The following COL4A2 variants were observed in gnomAD, a reference collection of about 807,000 sequenced individuals.
The protein encoded by COL4A2 is collagen alpha-2(IV) chain.
A neutral mutation model predicts 200.2 loss-of-function variants in COL4A2; 99 were observed. The ratio of observed to expected loss-of-function variants is 0.49; its 90% CI spans 0.42 to 0.58. The LOEUF (loss-of-function observed/expected upper bound fraction) is 0.58. Among genes scored for constraint, COL4A2 ranks in the 20% least tolerant of loss-of-function variants. The pLI is 0.00. For synonymous variants in COL4A2, 897 were observed against 900.6 expected (o/e 1.00, Z 0.07); for missense variants, 1,950 against 2,314.1 (o/e 0.84, Z 3.23).
chr13:110,335,459 C>T (rs1212817101), intron 3 of COL4A2, among the ~76,000 whole-genome samples: 1 of 152,190 alleles, frequency 6.6e-6, no homozygotes, highest in Non-Finnish European at 1.5e-5. Context: ...TTATCACTCT[C>T]TCTTGTCTGC....
intron 4 of COL4A2, among the ~76,000 whole-genome samples, chr13:110,406,737 T>A (rs753378762): frequency 1.3e-5 from 2 of 152,188 alleles, no homozygotes; most frequent in African/African-American, 2.4e-5. Context: ...CTCTCTCATG[T>A]TTTTTCTCCG....
intron 39 of COL4A2, among the ~76,000 whole-genome samples, chr13:110,494,916 C>T (rs1247951578): frequency 1.3e-5 from 2 of 152,246 alleles, no homozygotes; most frequent in African/African-American, 2.4e-5. Context: ...GGGAAATCCT[C>T]GTCAAGTTGT....
intron 33 of COL4A2, 21 bp downstream of exon 33, chr13:110,485,048 C>A: frequency 6.4e-7 from 1 of 1,561,334 alleles, no homozygotes; most frequent in Non-Finnish European, 8.7e-7. Flanking sequence ...TGACCTGCAG[C>A]CAGGGGCCCC....
chr13:110,507,701 A>G (rs564671072), intron 46 of COL4A2: 1 of 586,622 alleles, frequency 1.7e-6, no homozygotes, highest in African/African-American at 1.9e-5. Context: ...TTGGCCCAGT[A>G]TGTGTGAGAA....
chr13:110,356,385 C>T (rs551570756), intron 3 of COL4A2, among the ~76,000 whole-genome samples: 124 of 152,314 alleles, frequency 8.1e-4, no homozygotes, highest in African/African-American at 2.8e-3. Context: ...CAAATGAAGT[C>T]GCAAGTGATA....
intron 20 of COL4A2, among the ~76,000 whole-genome samples, chr13:110,451,465 T>C (rs1171977475): frequency 6.6e-6 from 1 of 152,214 alleles, no homozygotes; most frequent in Non-Finnish European, 1.5e-5. Context: ...GACTCACAGT[T>C]CTGCAGGGCT....
At chr13:110,308,837 G>T (rs6492259) in intron 3 of COL4A2, among the ~76,000 whole-genome samples, 12,977 of 152,228 alleles carry the variant, frequency 0.085, 715 homozygotes, top group African/African-American at 0.15. Context: ...AAGAGTAGGA[G>T]CCACTTTTAC....
At chr13:110,445,987 A>C (rs1285139070) in intron 17 of COL4A2, 105 bp downstream of exon 17, 23 of 1,281,600 alleles carry the variant, frequency 1.8e-5, no homozygotes, top group Non-Finnish European at 2.3e-5. Context: ...CTGCCCTAAA[A>C]AGTACAAGAT....
intron 4 of COL4A2, among the ~76,000 whole-genome samples, chr13:110,381,771 G>A (rs1001006382): frequency 6.6e-6 from 1 of 152,198 alleles, no homozygotes; most frequent in Non-Finnish European, 1.5e-5. Flanking sequence ...GAAAGGAAGT[G>A]TGTAAACCAC....
chr13:110,421,278 A>G (rs910748161), intron 4 of COL4A2, among the ~76,000 whole-genome samples: 5 of 152,376 alleles, frequency 3.3e-5, no homozygotes, highest in Middle Eastern at 3.4e-3. Context: ...AATTCAGAAC[A>G]GAGACTCAAG....
At chr13:110,446,353 A>G (rs7988800) in intron 17 of COL4A2, among the ~76,000 whole-genome samples, 113,725 of 151,960 alleles carry the variant, frequency 0.75, 43,003 homozygotes, top group Middle Eastern at 0.87. Flanking sequence ...GAGCCGGGTG[A>G]GGCTCAAAGA....
intron 3 of COL4A2, among the ~76,000 whole-genome samples, chr13:110,317,838 A>G (rs1885180848): frequency 6.6e-6 from 1 of 152,194 alleles, no homozygotes; most frequent in Non-Finnish European, 1.5e-5. Flanking sequence ...TTAGAGAAAG[A>G]CTTACTGAAA....
At chr13:110,354,156 A>G (rs1187743367) in intron 3 of COL4A2, among the ~76,000 whole-genome samples, 5 of 152,224 alleles carry the variant, frequency 3.3e-5, no homozygotes, top group Non-Finnish European at 7.3e-5. Context: ...CTTGGGAAAC[A>G]GCAGATGGAG....
chr13:110,482,363 T>C (rs1882963805), intron 31 of COL4A2, among the ~76,000 whole-genome samples, 153 bp from the exon 32 acceptor site: 1 of 152,250 alleles, frequency 6.6e-6, no homozygotes, highest in Non-Finnish European at 1.5e-5. Flanking sequence ...AGAGAGAAGT[T>C]GCTTAGAAGA....
At chr13:110,350,327 C>G (rs1054265854) in intron 3 of COL4A2, among the ~76,000 whole-genome samples, 1 of 152,178 alleles carries the variant, frequency 6.6e-6, no homozygotes, top group Non-Finnish European at 1.5e-5. Flanking sequence ...GCAATGCTGG[C>G]TACCAGTTTC....
chr13:110,320,219 G>T (rs1175949900), intron 3 of COL4A2, among the ~76,000 whole-genome samples: 1 of 152,224 alleles, frequency 6.6e-6, no homozygotes, highest in Non-Finnish European at 1.5e-5. Context: ...AAGGTGGCTA[G>T]GCGGGGCTGG....
At chr13:110,424,548 T>C (rs1004169279) in intron 4 of COL4A2, among the ~76,000 whole-genome samples, 186 bp from the exon 5 acceptor site, 7 of 151,172 alleles carry the variant, frequency 4.6e-5, no homozygotes, top group Admixed American at 3.3e-4. Context: ...ATATTTTCTC[T>C]TCTTAAACTC....
chr13:110,320,553 C>T (rs1885249339), intron 3 of COL4A2, among the ~76,000 whole-genome samples: 1 of 152,034 alleles, frequency 6.6e-6, no homozygotes, highest in Non-Finnish European at 1.5e-5. Flanking sequence ...CTGAATCCTG[C>T]CTAGAAGTTC....
At chr13:110,409,426 T>C (rs1159467189) in intron 4 of COL4A2, among the ~76,000 whole-genome samples, 2 of 152,250 alleles carry the variant, frequency 1.3e-5, no homozygotes, top group Admixed American at 1.3e-4. Context: ...TTGTTCCTAA[T>C]GAACCGCGTG....
Sources: gnomAD v4.1 joint callset for allele counts (sites outside exome capture counted in the v4.1 genomes callset) on GRCh38, gnomAD v4.1.1 for gene constraint, MANE v1.5 for transcripts, NCBI Gene and HGNC (gene_info 2026-07-23, HGNC 2026-07-21) for gene names.